The following NCAM2 variants were observed in gnomAD, a reference collection of about 807,000 sequenced individuals.
NCAM2 encodes N-CAM-2.
In NCAM2, 30 loss-of-function variants were observed where a neutral mutation model predicts 98.1. The observed-to-expected ratio is 0.31, with a 90% CI of 0.23 to 0.41. The LOEUF is 0.41. NCAM2 is among the 10% of genes least tolerant of loss of function. NCAM2 has a pLI of 1.00. For missense variants in NCAM2, 867 were observed against 1,005.8 expected, an observed-to-expected ratio of 0.86 and a Z score of 1.87; for synonymous variants, 368 against 342.4, an observed-to-expected ratio of 1.07 and a Z score of -0.83.
intron 9 of NCAM2, among the ~76,000 whole-genome samples, chr21:21,401,602 T>C (rs1202729812): frequency 1.3e-5 from 2 of 152,228 alleles, no homozygotes; most frequent in African/African-American, 4.8e-5. Flanking sequence ...TAAGATAACA[T>C]CCTCCAGATT....
At chr21:21,066,351 C>A (rs541712148) in intron 1 of NCAM2, among the ~76,000 whole-genome samples, 4 of 152,188 alleles carry the variant, frequency 2.6e-5, no homozygotes, top group African/African-American at 7.2e-5. Flanking sequence ...AAAAATGACA[C>A]CTGATTTGAT....
chr21:21,019,063 A>G (rs1231811844), intron 1 of NCAM2, among the ~76,000 whole-genome samples: 1 of 152,188 alleles, frequency 6.6e-6, no homozygotes, highest in African/African-American at 2.4e-5. Flanking sequence ...CATTGAGGCC[A>G]ATGACTGCTT....
intron 5 of NCAM2, among the ~76,000 whole-genome samples, chr21:21,308,575 G>A (rs1016768984): frequency 1.3e-5 from 2 of 152,126 alleles, no homozygotes; most frequent in South Asian, 2.1e-4. Flanking sequence ...TTCTTAAGCA[G>A]TGTGGATACA....
intron 1 of NCAM2, among the ~76,000 whole-genome samples, chr21:21,017,635 C>T (rs1286361021): frequency 6.6e-6 from 1 of 151,964 alleles, no homozygotes; most frequent in African/African-American, 2.4e-5. Flanking sequence ...CTTCCAAAAG[C>T]TGCACAGTGA....
At chr21:21,183,006 A>G (rs1347309754) in intron 1 of NCAM2, among the ~76,000 whole-genome samples, 2 of 152,172 alleles carry the variant, frequency 1.3e-5, no homozygotes, top group Non-Finnish European at 2.9e-5. Context: ...AAGTAATGCA[A>G]TACAGATGAT....
intron 16 of NCAM2, among the ~76,000 whole-genome samples, chr21:21,515,876 G>A (rs1444439404): frequency 2.0e-5 from 3 of 152,036 alleles, no homozygotes; most frequent in Admixed American, 6.6e-5. Context: ...TGAAGAAGAC[G>A]GCAATTTTAG....
intron 1 of NCAM2, among the ~76,000 whole-genome samples, chr21:21,197,753 T>G (rs540620953): frequency 6.6e-6 from 1 of 152,260 alleles, no homozygotes; most frequent in African/African-American, 2.4e-5. Flanking sequence ...GAGTTGAGAA[T>G]ATAGAGATGA....
chr21:21,481,805 A>G (rs187233672), intron 15 of NCAM2, among the ~76,000 whole-genome samples: 4 of 152,316 alleles, frequency 2.6e-5, no homozygotes, highest in African/African-American at 9.6e-5. Context: ...TTTTATTTGT[A>G]AAAATGTCAC....
At chr21:21,129,225 T>C (rs1411248146) in intron 1 of NCAM2, among the ~76,000 whole-genome samples, 1 of 152,176 alleles carries the variant, frequency 6.6e-6, no homozygotes, top group Admixed American at 6.5e-5. Flanking sequence ...CTTACCTTTA[T>C]CAAACACTTC....
chr21:21,097,118 T>G (rs2146471575), intron 1 of NCAM2, among the ~76,000 whole-genome samples: 1 of 151,860 alleles, frequency 6.6e-6, no homozygotes, highest in East Asian at 1.9e-4. Context: ...ACGTGGGTTT[T>G]TCACTGGGAA....
At chr21:21,374,891 G>C (rs559318010) in intron 9 of NCAM2, among the ~76,000 whole-genome samples, 58 of 151,590 alleles carry the variant, frequency 3.8e-4, no homozygotes, top group African/African-American at 1.4e-3. Flanking sequence ...CCTTCAAAAA[G>C]AAAATATTTT....
chr21:21,475,831 T>G (rs1985096995), intron 14 of NCAM2, among the ~76,000 whole-genome samples: 1 of 152,176 alleles, frequency 6.6e-6, no homozygotes, highest in Admixed American at 6.5e-5. Context: ...CAAACTTTTC[T>G]GTTCCTTTGT....
intron 1 of NCAM2, among the ~76,000 whole-genome samples, chr21:21,160,423 G>A (rs975990942): frequency 6.6e-6 from 1 of 151,806 alleles, no homozygotes; most frequent in Non-Finnish European, 1.5e-5. Context: ...TATTTGTGTT[G>A]TATTACAACT....
At chr21:21,493,213 AC>A (rs1367614210) in intron 15 of NCAM2, among the ~76,000 whole-genome samples, 3 of 151,884 alleles carry the variant, frequency 2.0e-5, no homozygotes, top group African/African-American at 7.2e-5. Context: ...GGAAGCTAAA[AC>A]CTTTTAAAGC....
intron 15 of NCAM2, among the ~76,000 whole-genome samples, chr21:21,494,025 TA>T (rs1987035566): frequency 6.6e-6 from 1 of 151,936 alleles, no homozygotes; most frequent in Admixed American, 6.6e-5. Context: ...TTGAAATATC[TA>T]AGATAGAATG....
chr21:21,481,255 CTA>C (rs140241405), intron 15 of NCAM2, among the ~76,000 whole-genome samples: 4,751 of 152,210 alleles, frequency 0.031, 260 homozygotes, highest in African/African-American at 0.11. Flanking sequence ...TTCCAAGGAA[CTA>C]TCATATTATA....
intron 1 of NCAM2, among the ~76,000 whole-genome samples, chr21:21,112,730 C>T (rs1383812408): frequency 6.6e-6 from 1 of 152,130 alleles, no homozygotes; most frequent in Non-Finnish European, 1.5e-5. Flanking sequence ...AAGAACAGTG[C>T]AGATCATAAA....
intron 14 of NCAM2, among the ~76,000 whole-genome samples, chr21:21,472,932 T>G (rs1289428520): frequency 1.3e-5 from 2 of 151,066 alleles, no homozygotes; most frequent in African/African-American, 2.4e-5. Flanking sequence ...TCTTCAAACC[T>G]TTAAATCTTC....
chr21:21,227,444 A>C (rs1356638333), intron 1 of NCAM2, among the ~76,000 whole-genome samples: 1 of 151,814 alleles, frequency 6.6e-6, no homozygotes, highest in East Asian at 1.9e-4. Context: ...CGTAGTCAAA[A>C]CCCCAAGGAT....
Sources: gnomAD v4.1 joint callset for allele counts (sites outside exome capture counted in the v4.1 genomes callset) on GRCh38, gnomAD v4.1.1 for gene constraint, MANE v1.5 for transcripts, NCBI Gene and HGNC (gene_info 2026-07-23, HGNC 2026-07-21) for gene names.